ZBTB47: variants seen among roughly 807,000 people sequenced by gnomAD.
The protein encoded by ZBTB47 is zinc finger and BTB domain containing 47.
ZBTB47 carries 24 observed loss-of-function variants against 56.6 expected under a neutral mutation model. The ratio of observed to expected loss-of-function variants is 0.42; its 90% confidence interval spans 0.31 to 0.60. The LOEUF is 0.60. Among genes scored for constraint, ZBTB47 ranks in the 20% least tolerant of loss-of-function variants. The pLI is 0.14. For missense variants in ZBTB47, 829 were observed against 1,032.6 expected (o/e 0.80, Z 2.70); for synonymous variants, 414 against 418.9 (o/e 0.99, Z 0.14).
rs1292273446 is a variant in ZBTB47 at position 42,656,662 on chromosome 3, G to A, written c.-81-1613G>A. Among the ~76,000 whole-genome samples, 2 of 152,116 alleles carry A rather than the reference G, an allele frequency of 1.3e-5. No homozygotes were observed. Among genetic ancestry groups the A allele is most frequent in the African/African-American group, 4.8e-5 (2 of 41,428 alleles). On this transcript the variant is annotated intron_variant, in intron 1 of 5. Coordinates refer to ENST00000232974, the MANE Select transcript of ZBTB47 (RefSeq NM_145166.4). This position sits in a 1 kb window ranked among gnomAD's most constrained non-coding sequence, Gnocchi z 5.8. ...ATGGCTGCTGCCCTGGCTGCTGGGT[G>A]TAGGGGGCAGGGTCCAGGGCAGGCC...
At position 42,654,511 on chromosome 3, in the gene ZBTB47, T is replaced by C. The variant is rs1328097320; in HGVS notation, c.-82+628T>C. On this transcript the variant is annotated intron_variant, in intron 1 of 5. Transcript: ENST00000232974. The surrounding 1 kb of genome is among the most constrained non-coding windows in gnomAD (Gnocchi z 5.0). Reference sequence around the variant, plus strand: ...CCCGAGGCTCTGGGGCCGCAGCTGCTTGGCGCTGGACTCGCCGCGGCCCTG... The same window carrying C: ...CCCGAGGCTCTGGGGCCGCAGCTGCCTGGCGCTGGACTCGCCGCGGCCCTG... The C allele has an allele frequency of 5.7e-6, 1 of 176,780 alleles. No homozygotes were observed. Among genetic ancestry groups the C allele is most frequent in the Non-Finnish European group, 1.1e-5 (1 of 92,414 alleles). The allele number at this position is 176,780 out of a possible 1,614,324, so 11.0% of individuals were successfully genotyped here. A position where few individuals can be genotyped will look rare whatever the true frequency, so the allele number is the denominator to read the frequency against.
At position 42,658,826 on chromosome 3, in the gene ZBTB47, C is replaced by A; in HGVS notation, c.471C>A (p.Arg157=). The part of the protein sequence containing the change: ...DTPGLPKIYA[R]EGPDPYSVRV... ...CAGGCCTGCCCAAGATCTATGCCCG[C>A]GAGGGCCCTGACCCTTACTCGGTGC... Residue 157 remains arginine (R), a synonymous_variant, in exon 2 of 6, where the codon CGC becomes CGA. Coordinates refer to ENST00000232974, the MANE Select transcript of ZBTB47 (RefSeq NM_145166.4). The A allele has an allele frequency of 1.3e-6, 2 of 1,533,798 alleles. No homozygotes were observed. The highest frequency in any genetic ancestry group is 1.7e-6 in the Non-Finnish European group (2 of 1,145,686).
At position 42,659,348 on chromosome 3, in the gene ZBTB47, G is replaced by T; in HGVS notation, c.993G>T (p.Glu331Asp). Residue 331 changes from glutamate to aspartate, a missense_variant, in exon 2 of 6, where the codon GAG becomes GAT. Transcript: ENST00000232974. Reference protein sequence around the residue: ...GHSEQEEEEEEEEEEGPSEQD... With the variant: ...GHSEQEEEEEDEEEEGPSEQD... ...GTGAGCAGGAAGAGGAAGAGGAGGA[G>T]GAAGAGGAGGAAGGGCCTAGTGAGC... is the stretch of plus-strand genomic sequence containing the variant. 6.9e-7 allele frequency: 1 copy of T among 1,453,348 alleles called. No homozygotes were observed. Among genetic ancestry groups the T allele is most frequent in the Non-Finnish European group, 9.2e-7 (1 of 1,087,832 alleles). 90.0% of individuals were successfully genotyped at this position (1,453,348 alleles called of 1,614,324 possible).
intron 3 of ZBTB47, among the ~76,000 whole-genome samples, chr3:42,662,318 A>T (rs1204169794): frequency 2.0e-5 from 3 of 152,200 alleles, no homozygotes; most frequent in African/African-American, 4.8e-5. Flanking sequence ...TCCATGAGAC[A>T]GTGCTGGGGG....
rs1265619316 is a variant in ZBTB47, at chr3:42,664,526, C to T, written c.2172C>T (p.Pro724=). 4 of 1,412,612 alleles carry T rather than the reference C, an allele frequency of 2.8e-6. No individual in the cohort carries two copies. The highest frequency in any genetic ancestry group is 3.0e-5 in the African/African-American group (2 of 65,708). 87.5% of individuals were successfully genotyped at this position (1,412,612 alleles called of 1,614,324 possible). Residue 724 remains proline (P), a synonymous_variant, in exon 6 of 6, where the codon CCC becomes CCT. Transcript: ENST00000232974. ...PGLPQTLPPP[P]HLPPPPPLFP... is the part of the protein sequence containing the mutation. ...TGCCCCAGACCCTGCCGCCCCCGCC[C>T]CACCTGCCGCCCCCGCCTCCGCTCT... is the stretch of plus-strand genomic sequence containing the variant.
At position 42,667,189 on chromosome 3, in the gene ZBTB47, G is replaced by A. The variant is rs991648579; in HGVS notation, c.*2591G>A. ...CAGGGCTGGGGGAAGGGGGACGCAG[G>A]ATCATCCCCTCCCAAGGAGATCTGT... On this transcript the variant is annotated 3_prime_UTR_variant, in exon 6 of 6. Coordinates refer to ENST00000232974, the MANE Select transcript of ZBTB47 (RefSeq NM_145166.4). 3.3e-5 allele frequency among the ~76,000 whole-genome samples: 5 copies of A among 152,206 alleles called. No homozygotes were observed. Among genetic ancestry groups the A allele is most frequent in the Admixed American group, 6.5e-5 (1 of 15,288 alleles).
Position 42,663,094 on chromosome 3 carries a change from G to A in ZBTB47, c.1704G>A (p.Leu568=), listed in dbSNP as rs2125838648. The change falls in exon 4 of 6, where the codon CTG becomes CTA. Residue 568 remains leucine (L), a synonymous_variant. Transcript: ENST00000232974. This position sits in a 1 kb window ranked among gnomAD's most constrained non-coding sequence, Gnocchi z 5.1. ...KRSMSLKVHS[L]QHSGEKPFRC... ...GCATGTCCCTCAAGGTGCACTCACT[G>A]CAGCACTCAGGGGAGAAGCCGTTCA... 6.2e-7 allele frequency: 1 copy of A among 1,613,924 alleles called. No homozygotes were observed. The highest frequency in any genetic ancestry group is 8.5e-7 in the Non-Finnish European group (1 of 1,179,788).
In ZBTB47 at chr3:42,663,343, C is replaced by T. The variant is rs1384897619; in HGVS notation, c.1737+216C>T. Among the ~76,000 whole-genome samples, 1 of 152,154 alleles carries T rather than the reference C, an allele frequency of 6.6e-6. No individual in the cohort carries two copies. Among genetic ancestry groups the T allele is most frequent in the Non-Finnish European group, 1.5e-5 (1 of 68,000 alleles). ...TCCCATCCTGCCCTTCCTTCCCCAACCCAGCCCCACACACTCAGGGTGGGA... is the reference window on the plus strand; with the variant it reads ...TCCCATCCTGCCCTTCCTTCCCCAATCCAGCCCCACACACTCAGGGTGGGA... On this transcript the variant is annotated intron_variant, in intron 4 of 5. Transcript: ENST00000232974. The surrounding 1 kb of genome is among the most constrained non-coding windows in gnomAD (Gnocchi z 5.1).
intron 5 of ZBTB47, 73 bp downstream of exon 5, chr3:42,664,014 G>T: frequency 4.6e-6 from 7 of 1,524,972 alleles, no homozygotes; most frequent in Non-Finnish European, 6.2e-6. Flanking sequence ...AGGACACCTG[G>T]AATAATCTTG....
rs573416377 is a variant in ZBTB47, at chr3:42,656,570, G to T, written c.-81-1705G>T. On this transcript the variant is annotated intron_variant, in intron 1 of 5. Coordinates refer to ENST00000232974, the MANE Select transcript of ZBTB47 (RefSeq NM_145166.4). This position sits in a 1 kb window ranked among gnomAD's most constrained non-coding sequence, Gnocchi z 5.8. Reference sequence around the variant, plus strand: ...CTTGGCTGGGGTAAGGGGTGTAGTGGAGAACTCAAGGAAGATGGTAGCCTT... The same window carrying T: ...CTTGGCTGGGGTAAGGGGTGTAGTGTAGAACTCAAGGAAGATGGTAGCCTT... Among the ~76,000 whole-genome samples the T allele has an allele frequency of 1.1e-4, 17 of 152,238 alleles. No homozygotes were observed. The South Asian group carries it at 2.5e-3, about 22-fold the overall frequency.
chr3:42,661,420 A>AG (rs1035670560), intron 2 of ZBTB47, 65 bp from the exon 3 acceptor site: 91 of 1,557,684 alleles, frequency 5.8e-5, no homozygotes, highest in Non-Finnish European at 7.6e-5. Context: ...CGGGGGCAGT[A>AG]GCTTGCCCAA....
chr3:42,661,777 C>T, intron 3 of ZBTB47, 145 bp downstream of exon 3: 1 of 1,141,348 alleles, frequency 8.8e-7, no homozygotes, highest in Non-Finnish European at 1.2e-6. Context: ...AGGTTGGTTC[C>T]AGTGGCAGGT....
In ZBTB47 at chr3:42,664,541, G is replaced by A. The variant is rs1477411394; in HGVS notation, c.2187G>A (p.Pro729=). Residue 729 remains proline (P), a synonymous_variant, in exon 6 of 6, where the codon CCG becomes CCA. Coordinates refer to ENST00000232974, the MANE Select transcript of ZBTB47 (RefSeq NM_145166.4). ...TLPPPPHLPP[P]PPLFPTTASP... ...CGCCCCCGCCCCACCTGCCGCCCCC[G>A]CCTCCGCTCTTCCCCACCACTGCCA... is the stretch of plus-strand genomic sequence containing the variant. 1 of 294,272 alleles carries A rather than the reference G, an allele frequency of 3.4e-6. No individual in the cohort carries two copies. The highest frequency in any genetic ancestry group is 8.3e-5 in the African/African-American group (1 of 12,064). 18.2% of individuals were successfully genotyped at this position (294,272 alleles called of 1,614,324 possible).
rs550783102 is a variant in ZBTB47, at chr3:42,663,369, A to G, written c.1737+242A>G. Among the ~76,000 whole-genome samples the G allele has an allele frequency of 6.6e-6, 1 of 151,852 alleles. No homozygotes were observed. The highest frequency in any genetic ancestry group is 6.5e-5 in the Admixed American group (1 of 15,276). On this transcript the variant is annotated intron_variant, in intron 4 of 5. Coordinates refer to ENST00000232974, the MANE Select transcript of ZBTB47 (RefSeq NM_145166.4). The surrounding 1 kb of genome is among the most constrained non-coding windows in gnomAD (Gnocchi z 5.1). ...CCAGCCCCACACACTCAGGGTGGGA[A>G]GTGTGTGTGGGCTACAGCCCTAGGA...
chr3:42,664,384 C>G lies in ZBTB47; in HGVS notation c.2030C>G (p.Ala677Gly), dbSNP rs1160315953. ...QRFRFSNMLK[A>G]HKEKCFRVSH... is the part of the protein sequence containing the mutation. ...TTCCGCTTCTCCAACATGCTCAAGGCCCACAAGGAGAAGTGCTTCCGCGTC... is the reference window on the plus strand; with the variant it reads ...TTCCGCTTCTCCAACATGCTCAAGGGCCACAAGGAGAAGTGCTTCCGCGTC... Residue 677 changes from alanine (A) to glycine (G), a missense_variant, in exon 6 of 6, where the codon GCC becomes GGC. Physicochemically the swap from Ala to Gly is moderately conservative, Grantham distance 60. Transcript: ENST00000232974. 5.0e-6 allele frequency: 8 copies of G among 1,605,034 alleles called. No homozygotes were observed. The South Asian group carries it at 7.8e-5, about 16-fold the overall frequency.
At chr3:42,660,454 G>A (rs1285467636) in intron 2 of ZBTB47, among the ~76,000 whole-genome samples, 1 of 152,204 alleles carries the variant, frequency 6.6e-6, no homozygotes, top group Non-Finnish European at 1.5e-5. Context: ...AATTTGGGAA[G>A]AGCAGAGGCT....
rs762868260 is a variant in ZBTB47 at position 42,658,936 on chromosome 3, A to T, written c.581A>T (p.Glu194Val). The T allele has an allele frequency of 1.3e-6, 2 of 1,499,094 alleles. No individual in the cohort carries two copies. Among genetic ancestry groups the T allele is most frequent in the African/African-American group, 1.4e-5 (1 of 71,858 alleles). The allele number at this position is 1,499,094 out of a possible 1,614,324, so 92.9% of individuals were successfully genotyped here. The change falls in exon 2 of 6, where the codon GAG becomes GTG. Residue 194 changes from glutamate (E) to valine (V), a missense_variant. This residue lies in a region of ZBTB47 where 359 missense variants were observed against 359.8 expected (regional missense o/e 1.00). Coordinates refer to ENST00000232974, the MANE Select transcript of ZBTB47 (RefSeq NM_145166.4). ...CAGCCCTTCTTTAAGGAGGAGAAGG[A>T]GGGTGGTGTCGAGGAGGCCGGTGGG... ...PAQPFFKEEK[E>V]GGVEEAGGPP...
chr3:42,657,245 A>G (rs113158290), intron 1 of ZBTB47, among the ~76,000 whole-genome samples: 16 of 152,334 alleles, frequency 1.1e-4, no homozygotes, highest in African/African-American at 3.6e-4. Flanking sequence ...AGTCTGACCC[A>G]TCAGACATTG....
intron 2 of ZBTB47, among the ~76,000 whole-genome samples, chr3:42,660,912 G>C (rs529508488): frequency 6.6e-6 from 1 of 152,208 alleles, no homozygotes; most frequent in South Asian, 2.1e-4. Context: ...GCAGGACAAG[G>C]GTCCAGGAGA....
Sources: allele counts gnomAD v4.1 joint callset (sites outside exome capture counted in the v4.1 genomes callset), GRCh38; gene constraint gnomAD v4.1.1; regional missense constraint gnomAD v4.1.1; non-coding constraint Gnocchi (gnomAD v3.1); transcripts MANE v1.5; gene names NCBI Gene and HGNC (gene_info 2026-07-23, HGNC 2026-07-21).